The following DENND1A variants were observed in gnomAD, a reference collection of about 807,000 sequenced individuals.
The protein encoded by DENND1A is DENN domain-containing protein 1A.
In DENND1A, 51 loss-of-function variants were observed where a neutral mutation model predicts 113.7. That is an observed-to-expected ratio of 0.45 (90% CI 0.36 to 0.57). The LOEUF (loss-of-function observed/expected upper bound fraction) is 0.57. Ranked by LOEUF, DENND1A falls within the 20% of genes least tolerant of loss-of-function variation. The pLI, the probability that DENND1A is intolerant of heterozygous loss-of-function variation, is 0.00. For synonymous variants in DENND1A, 565 were observed against 570.8 expected, an observed-to-expected ratio of 0.99 and a Z score of 0.14; for missense variants, 1,258 against 1,395.9, an observed-to-expected ratio of 0.90 and a Z score of 1.57.
At chr9:123,533,637 A>T (rs1254699123) in intron 13 of DENND1A, among the ~76,000 whole-genome samples, 2 of 152,238 alleles carry the variant, frequency 1.3e-5, no homozygotes, top group Admixed American at 6.5e-5. Flanking sequence ...CCAGTCAGGT[A>T]GGTGGAGAGT....
At chr9:123,499,782 C>T (rs2052304482) in intron 13 of DENND1A, among the ~76,000 whole-genome samples, 1 of 152,222 alleles carries the variant, frequency 6.6e-6, no homozygotes, top group Non-Finnish European at 1.5e-5. Context: ...TGCTGCCGAG[C>T]AACCTCTCTG....
intron 2 of DENND1A, among the ~76,000 whole-genome samples, chr9:123,813,591 G>T (rs1590196064): frequency 6.6e-6 from 1 of 151,812 alleles, no homozygotes; most frequent in East Asian, 1.9e-4. Context: ...CATTTGGTAG[G>T]ACAGAACATA....
chr9:123,898,649 G>A (rs941536827), intron 1 of DENND1A, among the ~76,000 whole-genome samples: 2 of 152,216 alleles, frequency 1.3e-5, no homozygotes, highest in Admixed American at 6.5e-5. Flanking sequence ...GGTGGAAATG[G>A]AAATAGAAAG....
chr9:123,806,839 C>A (rs1437134220), intron 2 of DENND1A, among the ~76,000 whole-genome samples: 2 of 152,150 alleles, frequency 1.3e-5, no homozygotes, highest in Non-Finnish European at 1.5e-5. Context: ...GGGAGTAATA[C>A]CCTTTCTTCT....
chr9:123,538,809 CATATATATATATATATATATATATAT>C (rs35223887), intron 13 of DENND1A, among the ~76,000 whole-genome samples: 60 of 22,470 alleles, frequency 2.7e-3, no homozygotes, highest in East Asian at 0.012. Flanking sequence ...ACAACTCATA[CATATATATATATATATATATATATAT>C]ATATATATAT....
chr9:123,733,069 C>T (rs749448918), intron 5 of DENND1A, among the ~76,000 whole-genome samples: 1 of 149,884 alleles, frequency 6.7e-6, no homozygotes, highest in Non-Finnish European at 1.5e-5. Flanking sequence ...GCAACCTCTG[C>T]CTCCTGGGTT....
chr9:123,831,025 T>C (rs949117589), intron 2 of DENND1A, among the ~76,000 whole-genome samples: 1 of 152,060 alleles, frequency 6.6e-6, no homozygotes, highest in Admixed American at 6.5e-5. Flanking sequence ...AAAACTATTA[T>C]TTGCAGGCAA....
Position 123,382,013 on chromosome 9 carries a change from A to G in DENND1A, c.2632T>C (p.Phe878Leu), listed in dbSNP as rs2042299066. The change falls in exon 24 of 24, where the codon TTC (phenylalanine) becomes CTC (leucine). Residue 878 changes from phenylalanine to leucine, a missense_variant. By Grantham distance (22) the Phe-to-Leu change is conservative. Transcript: ENST00000394215. ...VATPFTPQFS[F>L]PPAGTPTPFP... ...GGGGTGGGTGTCCCTGCAGGGGGGA[A>G]GCTGAATTGGGGGGTGAATGGGGTG... The G allele has an allele frequency of 1.8e-6, 2 of 1,134,790 alleles. No individual in the cohort carries two copies. The highest frequency in any genetic ancestry group is 2.5e-5 in the African/African-American group (1 of 39,490). The allele number at this position is 1,134,790 out of a possible 1,614,324, so 70.3% of individuals were successfully genotyped here.
At chr9:123,675,935 G>T (rs954021696) in intron 6 of DENND1A, among the ~76,000 whole-genome samples, 3 of 152,146 alleles carry the variant, frequency 2.0e-5, no homozygotes, top group African/African-American at 7.2e-5. Flanking sequence ...GATGCGAATG[G>T]TTACACTTCT....
chr9:123,842,368 A>C (rs1841955541), intron 2 of DENND1A, among the ~76,000 whole-genome samples: 1 of 152,228 alleles, frequency 6.6e-6, no homozygotes, highest in African/African-American at 2.4e-5. Flanking sequence ...TGAGAAGTAA[A>C]AGAAAAAACC....
intron 20 of DENND1A, among the ~76,000 whole-genome samples, chr9:123,408,754 C>T (rs746163022): frequency 2.0e-5 from 3 of 152,176 alleles, no homozygotes; most frequent in Non-Finnish European, 2.9e-5. Flanking sequence ...GTCTGTCTCC[C>T]GAGTCCTCAG....
chr9:123,826,015 G>A (rs1590244331), intron 2 of DENND1A, among the ~76,000 whole-genome samples: 1 of 152,266 alleles, frequency 6.6e-6, no homozygotes, highest in Middle Eastern at 3.4e-3. Context: ...CTGAGTGAGA[G>A]TCAAAGCTGA....
intron 21 of DENND1A, 47 bp downstream of exon 21, chr9:123,403,355 G>A (rs1241295884): frequency 7.5e-6 from 12 of 1,597,934 alleles, no homozygotes; most frequent in African/African-American, 4.0e-5. Context: ...TGCTGGCTCC[G>A]CAGACACAGG....
At chr9:123,413,610 G>T in intron 19 of DENND1A, 1 of 985,544 alleles carries the variant, frequency 1.0e-6, no homozygotes, top group Non-Finnish European at 1.2e-6. Context: ...ACTTGGTGGA[G>T]GGTTCCCTGG....
At chr9:123,707,853 T>C (rs986035744) in intron 5 of DENND1A, among the ~76,000 whole-genome samples, 2 of 152,038 alleles carry the variant, frequency 1.3e-5, no homozygotes, top group East Asian at 3.9e-4. Context: ...ATAGGAGAAA[T>C]AGCTACATGC....
chr9:123,870,686 C>T (rs651008), intron 2 of DENND1A, among the ~76,000 whole-genome samples: 13,095 of 152,078 alleles, frequency 0.086, 944 homozygotes, highest in African/African-American at 0.2. Context: ...CCGCCCACCT[C>T]AGCCTCCCAA....
At chr9:123,425,461 C>T (rs1165923934) in intron 19 of DENND1A, among the ~76,000 whole-genome samples, 1 of 152,274 alleles carries the variant, frequency 6.6e-6, no homozygotes, top group Non-Finnish European at 1.5e-5. Flanking sequence ...AAAGCGCGTG[C>T]AGGCGCCGCA....
intron 13 of DENND1A, among the ~76,000 whole-genome samples, chr9:123,472,371 G>A (rs1279151031): frequency 2.6e-5 from 4 of 152,204 alleles, no homozygotes; most frequent in Admixed American, 2.0e-4. Context: ...GGTTCACAGC[G>A]AGGAGCTGTG....
At chr9:123,384,505 G>A (rs994729793) in intron 22 of DENND1A, among the ~76,000 whole-genome samples, 1 of 152,206 alleles carries the variant, frequency 6.6e-6, no homozygotes, top group African/African-American at 2.4e-5. Context: ...AGGTGCTCAG[G>A]TGGTGGTGGT....
Sources: gnomAD v4.1 joint callset for allele counts (sites outside exome capture counted in the v4.1 genomes callset) on GRCh38, gnomAD v4.1.1 for gene constraint, MANE v1.5 for transcripts, NCBI Gene and HGNC (gene_info 2026-07-23, HGNC 2026-07-21) for gene names.